The following PECAM1 variants were observed in gnomAD, a reference collection of about 807,000 sequenced individuals.
PECAM1 encodes the protein platelet and endothelial cell adhesion molecule 1.
Under a neutral mutation model 13.8 loss-of-function variants are expected in PECAM1, and 8 were observed. The ratio of observed to expected loss-of-function variants is 0.58; its 90% CI spans 0.34 to 1.05. The LOEUF is 1.05. Among genes scored for constraint, PECAM1 ranks in the 50% least tolerant of loss-of-function variants. PECAM1 has a pLI of 0.03. For missense variants in PECAM1, 304 were observed against 141.2 expected (o/e 2.15, Z -5.84); for synonymous variants, 136 against 52.6 (o/e 2.58, Z -6.86).
intron 14 of PECAM1, among the ~76,000 whole-genome samples, chr17:64,339,844 T>C (rs2035379840): frequency 1.3e-5 from 2 of 152,208 alleles, no homozygotes; most frequent in Non-Finnish European, 2.9e-5. Context: ...GAGAATTGGA[T>C]GGTTCTTCTA....
intron 14 of PECAM1, among the ~76,000 whole-genome samples, chr17:64,336,559 G>A (rs2035280756): frequency 6.6e-6 from 1 of 152,176 alleles, no homozygotes; most frequent in Non-Finnish European, 1.5e-5. Context: ...CCTCAAATGG[G>A]ATGCCTGCTC....
chr17:64,369,200 C>G (rs1195412543), intron 5 of PECAM1, among the ~76,000 whole-genome samples: 1 of 152,044 alleles, frequency 6.6e-6, no homozygotes, highest in Non-Finnish European at 1.5e-5. Context: ...CTCCCAAGTC[C>G]TGGGATTACA....
At chr17:64,368,220 A>G (rs1359192855) in intron 5 of PECAM1, among the ~76,000 whole-genome samples, 2 of 152,212 alleles carry the variant, frequency 1.3e-5, no homozygotes, top group African/African-American at 2.4e-5. Flanking sequence ...TCTAGGTGTT[A>G]AGGATATAGC....
chr17:64,324,715 C>T (rs935619737), intron 15 of PECAM1, among the ~76,000 whole-genome samples: 1 of 152,192 alleles, frequency 6.6e-6, no homozygotes, highest in African/African-American at 2.4e-5. Context: ...GAATGAAATT[C>T]TGATATATTT....
intron 9 of PECAM1, among the ~76,000 whole-genome samples, 194 bp downstream of exon 9, chr17:64,354,739 C>T (rs1354631235): frequency 6.6e-6 from 1 of 152,222 alleles, no homozygotes; most frequent in African/African-American, 2.4e-5. Context: ...GACAAATCTA[C>T]AGAAATGGCT....
chr17:64,340,620 A>G (rs1342584869), intron 14 of PECAM1, among the ~76,000 whole-genome samples: 2 of 152,116 alleles, frequency 1.3e-5, no homozygotes, highest in South Asian at 2.1e-4. Context: ...CCCCCACCGA[A>G]AAAAAGGACT....
At chr17:64,336,895 GGA>G (rs869277301) in intron 14 of PECAM1, among the ~76,000 whole-genome samples, 11 of 83,966 alleles carry the variant, frequency 1.3e-4, no homozygotes, top group Non-Finnish European at 1.7e-4. Flanking sequence ...AAGGAAGGAA[GGA>G]GAGAGAGAGA....
At chr17:64,374,658 C>T (rs1231333792) in intron 4 of PECAM1, among the ~76,000 whole-genome samples, 3 of 151,976 alleles carry the variant, frequency 2.0e-5, no homozygotes, top group Admixed American at 6.6e-5. Context: ...GTGCTGCATG[C>T]CTGTAATCCC....
intron 13 of PECAM1, among the ~76,000 whole-genome samples, chr17:64,346,126 G>A (rs2035562537): frequency 6.6e-6 from 1 of 152,180 alleles, no homozygotes; most frequent in Admixed American, 6.5e-5. Context: ...GCCTGGCTAG[G>A]TGGATGCAGC....
chr17:64,331,427 C>G (rs1555646682), intron 14 of PECAM1, among the ~76,000 whole-genome samples: 1 of 152,210 alleles, frequency 6.6e-6, no homozygotes, highest in African/African-American at 2.4e-5. Context: ...CTCAGGTGAT[C>G]CACTCATCTC....
At chr17:64,336,382 G>A (rs938430768) in intron 14 of PECAM1, among the ~76,000 whole-genome samples, 10 of 152,152 alleles carry the variant, frequency 6.6e-5, no homozygotes, top group Admixed American at 1.3e-4. Context: ...AAGCCTAAGC[G>A]GGTGGGTTAC....
chr17:64,363,228 C>A lies in PECAM1; in HGVS notation c.1137G>T (p.Ser379=). 6.3e-6 allele frequency: 3 copies of A among 475,356 alleles called. No homozygotes were observed. Among genetic ancestry groups the A allele is most frequent in the Non-Finnish European group, 1.2e-5 (3 of 259,060 alleles). The allele number at this position is 475,356 out of a possible 1,614,324, so 29.4% of individuals were successfully genotyped here. Residue 379 remains serine, a synonymous_variant, in exon 6 of 16, where the codon TCG becomes TCT. Transcript: ENST00000563924. ...CAGTGCAGATATACGTCCCACTGTC[C>A]GACTTTGAGGCTATCTTGGTGAAAT... ...TQDFTKIASK[S]DSGTYICTAG...
At chr17:64,354,196 C>G (rs1282475745) in intron 9 of PECAM1, among the ~76,000 whole-genome samples, 2 of 152,114 alleles carry the variant, frequency 1.3e-5, no homozygotes, top group East Asian at 3.8e-4. Context: ...CCTGCCTTGG[C>G]CTCCCAAAGT....
chr17:64,340,869 G>A (rs1045679013), intron 14 of PECAM1, among the ~76,000 whole-genome samples: 2 of 152,100 alleles, frequency 1.3e-5, no homozygotes, highest in African/African-American at 4.8e-5. Context: ...AGGCCGAGGC[G>A]CGCGGATTAC....
intron 13 of PECAM1, among the ~76,000 whole-genome samples, chr17:64,347,622 A>T (rs2035607215): frequency 6.9e-6 from 1 of 145,366 alleles, no homozygotes; most frequent in African/African-American, 2.5e-5. Context: ...ATATAAAAAT[A>T]AAAAATAAAA....
Position 64,321,407 on chromosome 17 carries a change from C to G in PECAM1, c.*2409G>C. 1.0e-6 allele frequency: 1 copy of G among 983,934 alleles called. No homozygotes were observed. The highest frequency in any genetic ancestry group is 4.6e-5 in the South Asian group (1 of 21,532). 61.0% of individuals were successfully genotyped at this position (983,934 alleles called of 1,614,324 possible). A position where few individuals can be genotyped will look rare whatever the true frequency, so the allele number is the denominator to read the frequency against. ...TTAAATCCACTAAGAAAGATCCCTG[C>G]GCATGAAGTTTCCTCCTCGGAAATA... On this transcript the variant is annotated 3_prime_UTR_variant, in exon 16 of 16. Transcript: ENST00000563924.
At chr17:64,333,550 T>G (rs1473732411) in intron 14 of PECAM1, among the ~76,000 whole-genome samples, 1 of 152,110 alleles carries the variant, frequency 6.6e-6, no homozygotes, top group East Asian at 1.9e-4. Flanking sequence ...CTCTTCTCTG[T>G]TCACCACGCT....
chr17:64,369,704 C>A, intron 5 of PECAM1, 46 bp downstream of exon 5: 1 of 398,560 alleles, frequency 2.5e-6, no homozygotes, highest in South Asian at 1.3e-4. Context: ...ATGGTGGCCT[C>A]TTGAGCCCGC....
At chr17:64,380,443 C>T (rs1194954622) in intron 2 of PECAM1, among the ~76,000 whole-genome samples, 1 of 152,158 alleles carries the variant, frequency 6.6e-6, no homozygotes, top group Admixed American at 6.5e-5. Context: ...CAAATCCCTA[C>T]ACGTCCCCCC....
Sources: allele counts gnomAD v4.1 joint callset (sites outside exome capture counted in the v4.1 genomes callset), GRCh38; gene constraint gnomAD v4.1.1; transcripts MANE v1.5; gene names NCBI Gene and HGNC (gene_info 2026-07-23, HGNC 2026-07-21).